Variants in IL1RAPL2 observed in about 807,000 individuals in gnomAD.
IL1RAPL2 encodes X-linked interleukin-1 receptor accessory protein-like 2.
IL1RAPL2 carries 3 observed loss-of-function variants against 44.1 expected under a neutral mutation model. That is an observed-to-expected ratio of 0.07 (90% CI 0.03 to 0.18). The LOEUF is 0.18. Ranked by LOEUF, IL1RAPL2 falls within the 10% of genes least tolerant of loss-of-function variation. The pLI is 1.00. For missense variants in IL1RAPL2, 391 were observed against 496.4 expected, an observed-to-expected ratio of 0.79 and a Z score of 2.02; for synonymous variants, 181 against 178.8, an observed-to-expected ratio of 1.01 and a Z score of -0.10.
intron 5 of IL1RAPL2, among the ~76,000 whole-genome samples, chrX:105,285,954 G>T (rs1022920046): frequency 1.8e-5 from 2 of 111,254 alleles, no homozygotes; most frequent in African/African-American, 6.5e-5. Context: ...AACTAACCTT[G>T]GCACACTCCA....
At chrX:104,662,831 A>G (rs1930426636) in intron 2 of IL1RAPL2, among the ~76,000 whole-genome samples, 2 of 112,087 alleles carry the variant, frequency 1.8e-5, no homozygotes, top group South Asian at 3.8e-4. Context: ...TTCTTCCAGC[A>G]TGGACCTCTG....
intron 5 of IL1RAPL2, among the ~76,000 whole-genome samples, chrX:105,382,043 C>G (rs1193337538): frequency 7.0e-3 from 562 of 80,101 alleles, no homozygotes; most frequent in Admixed American, 7.8e-3. Context: ...CAATACCATT[C>G]AGGACATAGG....
chrX:105,070,083 C>T (rs2032186537), intron 2 of IL1RAPL2, among the ~76,000 whole-genome samples: 1 of 111,945 alleles, frequency 8.9e-6, no homozygotes, highest in Non-Finnish European at 1.9e-5. Context: ...CTATTTTGCT[C>T]ATTGTAGAAT....
Position 105,619,816 on chromosome X carries a change from T to C in IL1RAPL2, c.773-97551T>C, listed in dbSNP as rs146080537. On this transcript the variant is annotated intron_variant, in intron 6 of 10. Coordinates refer to ENST00000372582, the MANE Select transcript of IL1RAPL2 (RefSeq NM_017416.2). ...GAGTAAATGATATGCCATAGGTTTT[T>C]GGCAAGGTATGTAGTGAAGATTTTT... is the stretch of plus-strand genomic sequence containing the variant. Among the ~76,000 whole-genome samples, 762 of 111,241 alleles carry C rather than the reference T, an allele frequency of 6.8e-3. 7 individuals are homozygous for C. The highest frequency in any genetic ancestry group is 0.023 in the African/African-American group (713 of 30,693).
At chrX:104,624,550 A>C (rs764211452) in intron 1 of IL1RAPL2, among the ~76,000 whole-genome samples, 1 of 111,936 alleles carries the variant, frequency 8.9e-6, no homozygotes, top group Non-Finnish European at 1.9e-5. Flanking sequence ...AAGCCATCTC[A>C]TATACTATTG....
At chrX:105,231,334 G>C (rs138087963) in intron 3 of IL1RAPL2, among the ~76,000 whole-genome samples, 1,268 of 111,393 alleles carry the variant, frequency 0.011, 24 homozygotes, top group African/African-American at 0.039. Context: ...CCTCCTAGTG[G>C]CTATCCACAA....
At chrX:105,561,999 A>T (rs541641886) in intron 6 of IL1RAPL2, among the ~76,000 whole-genome samples, 4 of 111,389 alleles carry the variant, frequency 3.6e-5, no homozygotes, top group African/African-American at 1.3e-4. Flanking sequence ...ATTTACAAGT[A>T]GATATGGGCA....
At chrX:105,611,448 G>A (rs970550758) in intron 6 of IL1RAPL2, among the ~76,000 whole-genome samples, 3 of 111,274 alleles carry the variant, frequency 2.7e-5, no homozygotes, top group African/African-American at 9.8e-5. Context: ...CTCTATTCAT[G>A]GTAAATGCCC....
intron 2 of IL1RAPL2, among the ~76,000 whole-genome samples, chrX:105,127,183 A>G (rs959693605): frequency 2.7e-5 from 3 of 110,435 alleles, no homozygotes; most frequent in Non-Finnish European, 5.7e-5. Flanking sequence ...TCAGATAAGA[A>G]CAGGTAATCT....
intron 2 of IL1RAPL2, among the ~76,000 whole-genome samples, chrX:104,818,974 T>C (rs1337834537): frequency 8.9e-6 from 1 of 112,115 alleles, no homozygotes; most frequent in East Asian, 2.8e-4. Context: ...ATGTTTATTG[T>C]TGTTGTTGTT....
chrX:104,820,524 C>T (rs1921272004), intron 2 of IL1RAPL2, among the ~76,000 whole-genome samples: 1 of 111,903 alleles, frequency 8.9e-6, no homozygotes, highest in East Asian at 2.8e-4. Flanking sequence ...CCTAAAGCAG[C>T]AGGTTTTGAG....
intron 3 of IL1RAPL2, 100 bp from the exon 4 acceptor site, chrX:105,233,718 A>G: frequency 1.5e-6 from 1 of 653,693 alleles, no homozygotes; most frequent in Non-Finnish European, 2.3e-6. Context: ...TTTCTAGGCA[A>G]GGTCCTAAAT....
At chrX:105,366,695 G>A (rs941453518) in intron 5 of IL1RAPL2, among the ~76,000 whole-genome samples, 4 of 111,092 alleles carry the variant, frequency 3.6e-5, no homozygotes, top group South Asian at 3.7e-4. Flanking sequence ...CATTGTAGTC[G>A]GAAAAGATAC....
chrX:105,536,705 A>G (rs1243661708), intron 6 of IL1RAPL2, among the ~76,000 whole-genome samples: 2 of 111,977 alleles, frequency 1.8e-5, no homozygotes, highest in African/African-American at 6.5e-5. Context: ...CCAGCAACAC[A>G]TGAGAGTTTC....
At chrX:104,992,607 G>C (rs190168970) in intron 2 of IL1RAPL2, among the ~76,000 whole-genome samples, 1,247 of 110,993 alleles carry the variant, frequency 0.011, 20 homozygotes, top group African/African-American at 0.038. Context: ...CCACCTGGCC[G>C]TTATGGCTCT....
At chrX:105,062,737 C>T (rs1176788918) in intron 2 of IL1RAPL2, among the ~76,000 whole-genome samples, 1 of 111,206 alleles carries the variant, frequency 9.0e-6, no homozygotes, top group African/African-American at 3.3e-5. Context: ...TTTCCTTCAG[C>T]ACTTTAAATA....
At chrX:104,977,560 C>T (rs907470645) in intron 2 of IL1RAPL2, among the ~76,000 whole-genome samples, 2 of 111,782 alleles carry the variant, frequency 1.8e-5, no homozygotes, top group Non-Finnish European at 3.8e-5. Flanking sequence ...CATCTCTGCT[C>T]TCTCACTCTC....
At chrX:105,524,462 C>T (rs1296328818) in intron 6 of IL1RAPL2, among the ~76,000 whole-genome samples, 1 of 109,982 alleles carries the variant, frequency 9.1e-6, no homozygotes, top group African/African-American at 3.3e-5. Flanking sequence ...GGCAGATTAA[C>T]AGGTTTAGCA....
intron 2 of IL1RAPL2, among the ~76,000 whole-genome samples, chrX:104,903,337 T>A (rs1403293428): frequency 8.9e-6 from 1 of 111,882 alleles, no homozygotes; most frequent in Non-Finnish European, 1.9e-5. Flanking sequence ...CAATTCTGGT[T>A]TCACAGATGA....
Sources: allele counts gnomAD v4.1 joint callset (sites outside exome capture counted in the v4.1 genomes callset), GRCh38; gene constraint gnomAD v4.1.1; transcripts MANE v1.5; gene names NCBI Gene and HGNC (gene_info 2026-07-23, HGNC 2026-07-21).